The following PRKG1 variants were observed in gnomAD, a reference collection of about 807,000 sequenced individuals.
The protein encoded by PRKG1 is protein kinase cGMP-dependent 1.
A neutral mutation model predicts 88.1 loss-of-function variants in PRKG1; 35 were observed. That is an observed-to-expected ratio of 0.40 (90% CI 0.30 to 0.53). PRKG1 has a LOEUF of 0.53. PRKG1 is among the 20% of genes least tolerant of loss of function. The probability of loss-of-function intolerance (pLI) is 0.59; values close to 1 mark genes in which losing one functional copy is unlikely to be tolerated. For missense variants in PRKG1, 540 were observed against 839.8 expected (o/e 0.64, Z 4.41); for synonymous variants, 303 against 292.5 (o/e 1.04, Z -0.37).
At chr10:51,844,791 A>C (rs912482934) in intron 4 of PRKG1, among the ~76,000 whole-genome samples, 1 of 152,162 alleles carries the variant, frequency 6.6e-6, no homozygotes, top group African/African-American at 2.4e-5. Context: ...TGGGAGACAG[A>C]GGGAGGTGAT....
chr10:51,236,917 C>G (rs942418063), intron 2 of PRKG1, among the ~76,000 whole-genome samples: 2 of 152,132 alleles, frequency 1.3e-5, no homozygotes, highest in African/African-American at 4.8e-5. Flanking sequence ...CAGTCTTTAT[C>G]CCAGTAGAGT....
chr10:51,592,184 G>A (rs78546120), intron 3 of PRKG1, among the ~76,000 whole-genome samples: 9,770 of 152,216 alleles, frequency 0.064, 1,013 homozygotes, highest in African/African-American at 0.22. Context: ...AATAAGGTTC[G>A]AGGAAATCAA....
At chr10:52,243,338 T>C (rs1157236862) in intron 9 of PRKG1, among the ~76,000 whole-genome samples, 2 of 152,192 alleles carry the variant, frequency 1.3e-5, no homozygotes, top group Non-Finnish European at 2.9e-5. Flanking sequence ...AATCAGATAG[T>C]AAAAATTATT....
At chr10:51,069,810 T>C (rs1175970014), upstream of PRKG1, among the ~76,000 whole-genome samples, 1 of 152,120 alleles carries the variant, frequency 6.6e-6, no homozygotes, top group Non-Finnish European at 1.5e-5. Flanking sequence ...CTCTCCTGGT[T>C]TGCCCGAGAC....
rs7908369 is a variant in PRKG1 at position 51,249,131 on chromosome 10, A to T, written c.478+95801A>T. 4.2e-3 allele frequency among the ~76,000 whole-genome samples: 644 copies of T among 151,824 alleles called. 2 individuals are homozygous for T. Among genetic ancestry groups the T allele is most frequent in the African/African-American group, 0.015 (611 of 41,554 alleles). Reference sequence around the variant, plus strand: ...AAGACAGTTAATGCTGTATTAAAATAGCAGCCATGGTTAACTTACGTTTTA... The same window carrying T: ...AAGACAGTTAATGCTGTATTAAAATTGCAGCCATGGTTAACTTACGTTTTA... On this transcript the variant is annotated intron_variant, in intron 2 of 17. Transcript: ENST00000373980.
At chr10:51,566,382 C>A (rs7908805) in intron 3 of PRKG1, among the ~76,000 whole-genome samples, 1 of 152,060 alleles carries the variant, frequency 6.6e-6, no homozygotes, top group Non-Finnish European at 1.5e-5. Context: ...GTTTTATGTA[C>A]TCATTTCTGA....
intron 8 of PRKG1, among the ~76,000 whole-genome samples, chr10:52,153,468 C>A (rs1287465709): frequency 6.6e-6 from 1 of 152,190 alleles, no homozygotes; most frequent in Non-Finnish European, 1.5e-5. Context: ...ATTCTGACTG[C>A]AATTGGTACA....
intron 2 of PRKG1, among the ~76,000 whole-genome samples, chr10:51,265,567 A>T (rs1839817726): frequency 1.3e-5 from 2 of 152,188 alleles, no homozygotes; most frequent in Non-Finnish European, 2.9e-5. Context: ...AAACACCTGT[A>T]GAATATCTTC....
intron 8 of PRKG1, among the ~76,000 whole-genome samples, chr10:52,147,296 A>G (rs1450153753): frequency 6.6e-6 from 1 of 152,220 alleles, no homozygotes; most frequent in Admixed American, 6.6e-5. Context: ...TATAGATGAT[A>G]TAGATTGTGG....
At chr10:51,003,987 T>C (rs1380190571) in intron 1 of PRKG1, among the ~76,000 whole-genome samples, 1 of 152,210 alleles carries the variant, frequency 6.6e-6, no homozygotes, top group Non-Finnish European at 1.5e-5. Context: ...TTGCAAGCAT[T>C]CAATGCTGCA....
At chr10:51,237,261 C>T (rs1008134242) in intron 2 of PRKG1, among the ~76,000 whole-genome samples, 1 of 152,180 alleles carries the variant, frequency 6.6e-6, no homozygotes, top group African/African-American at 2.4e-5. Flanking sequence ...CTGATCTCCA[C>T]ATTCATATTT....
intron 2 of PRKG1, among the ~76,000 whole-genome samples, chr10:51,262,377 C>T (rs965923297): frequency 1.3e-5 from 2 of 152,082 alleles, no homozygotes; most frequent in African/African-American, 4.8e-5. Context: ...AGCATGACAC[C>T]ATATGACATC....
intron 2 of PRKG1, among the ~76,000 whole-genome samples, chr10:51,344,785 T>A (rs1308096386): frequency 1.3e-5 from 2 of 152,028 alleles, no homozygotes; most frequent in South Asian, 2.1e-4. Flanking sequence ...CTGGGAAAAA[T>A]TCTCAATATG....
At chr10:51,122,244 G>C (rs756569996) in intron 1 of PRKG1, among the ~76,000 whole-genome samples, 1 of 152,048 alleles carries the variant, frequency 6.6e-6, no homozygotes, top group Non-Finnish European at 1.5e-5. Context: ...TGTAGCAAAG[G>C]GCAAAACCCA....
At chr10:51,206,525 A>G (rs1838066121) in intron 2 of PRKG1, among the ~76,000 whole-genome samples, 1 of 151,834 alleles carries the variant, frequency 6.6e-6, no homozygotes, top group Non-Finnish European at 1.5e-5. Context: ...CCAAAAAAGT[A>G]TTTTCAGTTT....
intron 9 of PRKG1, among the ~76,000 whole-genome samples, chr10:52,179,179 G>T (rs11498035): frequency 0.034 from 5,172 of 151,454 alleles, 306 homozygotes; most frequent in African/African-American, 0.12. Flanking sequence ...TAACGCTGCT[G>T]GTGACTTTTA....
chr10:51,695,437 G>T (rs1841263472), intron 3 of PRKG1: 2 of 152,116 alleles, frequency 1.3e-5, no homozygotes, highest in African/African-American at 4.8e-5. Flanking sequence ...CAGAATGGAA[G>T]ACTTTTGTAT....
chr10:51,699,599 C>CTCTT (rs754766268), intron 3 of PRKG1: 18 of 1,545,934 alleles, frequency 1.2e-5, no homozygotes, highest in Admixed American at 2.0e-5. Context: ...GGCGTCTGTC[C>CTCTT]TCTTGCGACC....
intron 4 of PRKG1, among the ~76,000 whole-genome samples, chr10:51,895,688 G>A: frequency 6.6e-6 from 1 of 152,004 alleles, no homozygotes; most frequent in East Asian, 1.9e-4. Context: ...AGGTGGTTAG[G>A]CTCTTTCCGT....
Sources: allele counts gnomAD v4.1 joint callset (sites outside exome capture counted in the v4.1 genomes callset), GRCh38; gene constraint gnomAD v4.1.1; transcripts MANE v1.5; gene names NCBI Gene and HGNC (gene_info 2026-07-23, HGNC 2026-07-21).